The following PDE10A variants were observed in gnomAD, a reference collection of about 807,000 sequenced individuals.
PDE10A encodes cAMP and cAMP-inhibited cGMP 3',5'-cyclic phosphodiesterase 10A.
PDE10A carries 39 observed loss-of-function variants against 97.7 expected under a neutral mutation model. The observed-to-expected ratio is 0.40, with a 90% CI of 0.31 to 0.52. PDE10A has a LOEUF of 0.52. PDE10A is among the 20% of genes least tolerant of loss of function. The pLI is 0.56. For missense variants in PDE10A, 731 were observed against 1,047.8 expected (o/e 0.70, Z 4.17); for synonymous variants, 371 against 376.8 (o/e 0.98, Z 0.18).
intron 17 of PDE10A, among the ~76,000 whole-genome samples, chr6:165,384,387 C>T (rs964289344): frequency 6.6e-6 from 1 of 152,234 alleles, no homozygotes; most frequent in South Asian, 2.1e-4. Flanking sequence ...TGAAAACAAT[C>T]CTGATGGCCA....
rs1359042721 is a variant in PDE10A, at chr6:165,819,905, G to A, written c.-615+167624C>T. Among the ~76,000 whole-genome samples the A allele has an allele frequency of 6.6e-6, 1 of 152,166 alleles. No homozygotes were observed. The highest frequency in any genetic ancestry group is 1.5e-5 in the Non-Finnish European group (1 of 68,038). On this transcript the variant is annotated intron_variant, in intron 1 of 19. Coordinates refer to the PDE10A transcript ENST00000366882. This position sits in a 1 kb window ranked among gnomAD's most constrained non-coding sequence, Gnocchi z 4.2. ...CAGCTCTGTTTGTATGTAATAATCAGTGGTTAATATGGAATTCAGTAACAC... is the reference window on the plus strand; with the variant it reads ...CAGCTCTGTTTGTATGTAATAATCAATGGTTAATATGGAATTCAGTAACAC...
Position 165,716,070 on chromosome 6 carries a change from G to A in PDE10A, c.-614-172502C>T, listed in dbSNP as rs1056734912. The stretch of plus-strand genomic sequence containing the variant: ...ACGGAGCTGTTCTGAGAGAAAGACC[G>A]CCTCAGAGTGTGTTCTGCCTTGCAG... On this transcript the variant is annotated intron_variant, in intron 1 of 19. Coordinates refer to the PDE10A transcript ENST00000366882. 6.6e-5 allele frequency among the ~76,000 whole-genome samples: 10 copies of A among 152,138 alleles called. No individual in the cohort carries two copies. In the South Asian group the frequency reaches 1.9e-3, roughly 28 times the overall value.
chr6:165,593,764 C>A (rs1786422056), intron 1 of PDE10A, among the ~76,000 whole-genome samples: 1 of 152,112 alleles, frequency 6.6e-6, no homozygotes, highest in Admixed American at 6.5e-5. Context: ...AGGACACTTA[C>A]TAATATTATG....
At chr6:165,931,126 A>G (rs1562803597) in intron 1 of PDE10A, among the ~76,000 whole-genome samples, 1 of 152,172 alleles carries the variant, frequency 6.6e-6, no homozygotes, top group Non-Finnish European at 1.5e-5. Context: ...CCACTTTCCC[A>G]TGGTGGTCTC....
intron 5 of PDE10A, among the ~76,000 whole-genome samples, chr6:165,448,055 G>A (rs1435249783): frequency 6.6e-6 from 1 of 152,104 alleles, no homozygotes; most frequent in Non-Finnish European, 1.5e-5. Context: ...TAGTAACATT[G>A]TATATAATGT....
intron 1 of PDE10A, among the ~76,000 whole-genome samples, chr6:165,656,632 C>T (rs1282468292): frequency 2.0e-5 from 3 of 152,146 alleles, no homozygotes; most frequent in South Asian, 2.1e-4. Context: ...TCTTATCACC[C>T]GGGTCCCCAA....
intron 1 of PDE10A, among the ~76,000 whole-genome samples, chr6:165,683,620 C>G (rs1186627114): frequency 6.6e-6 from 1 of 152,104 alleles, no homozygotes; most frequent in Non-Finnish European, 1.5e-5. Context: ...AAATGGCATG[C>G]CTTCCAAAGC....
At chr6:165,630,574 G>A (rs1257712733) in intron 1 of PDE10A, among the ~76,000 whole-genome samples, 1 of 152,104 alleles carries the variant, frequency 6.6e-6, no homozygotes, top group Admixed American at 6.6e-5. Context: ...TGTCTCCGGG[G>A]TAGAGACAAG....
chr6:165,813,985 G>A (rs1216846459), intron 1 of PDE10A, among the ~76,000 whole-genome samples: 1 of 152,160 alleles, frequency 6.6e-6, no homozygotes, highest in Non-Finnish European at 1.5e-5. Flanking sequence ...GATAGGTTTT[G>A]CTATTGCTGG....
At chr6:165,629,458 T>G (rs994092714) in intron 1 of PDE10A, among the ~76,000 whole-genome samples, 5 of 152,294 alleles carry the variant, frequency 3.3e-5, no homozygotes, top group African/African-American at 4.8e-5. Flanking sequence ...TAAACTCTTT[T>G]GTTTTGTTAA....
intron 18 of PDE10A, among the ~76,000 whole-genome samples, chr6:165,374,458 C>A (rs1784482727): frequency 6.6e-6 from 1 of 151,234 alleles, no homozygotes; most frequent in African/African-American, 2.4e-5. Context: ...AGAATAAAAG[C>A]TGATATATAA....
intron 1 of PDE10A, among the ~76,000 whole-genome samples, chr6:165,853,180 G>A (rs1050472648): frequency 6.6e-6 from 1 of 152,166 alleles, no homozygotes; most frequent in Non-Finnish European, 1.5e-5. Context: ...TGAGGACGAG[G>A]CCTCTGCTAT....
rs541821665 is a variant in PDE10A at position 165,647,902 on chromosome 6, A to T, written c.865+14045T>A. Among the ~76,000 whole-genome samples, 5 of 152,332 alleles carry T rather than the reference A, an allele frequency of 3.3e-5. No homozygotes were observed. In the South Asian group the frequency reaches 1.0e-3, roughly 32 times the overall value. On this transcript the variant is annotated intron_variant, in intron 1 of 21. Transcript: ENST00000539869. ...TCATTTAATCTTCACCACAATCTTA[A>T]CGACTGTAGCAAAAGAAACAACTAC...
At chr6:165,619,094 GTAGTGTAGTC>G (rs1787883953) in intron 1 of PDE10A, among the ~76,000 whole-genome samples, 2 of 142,598 alleles carry the variant, frequency 1.4e-5, no homozygotes, top group Admixed American at 6.8e-5. Context: ...GTAGTCTAGT[GTAGTGTAGTC>G]TAGTGTAGTG....
intron 1 of PDE10A, among the ~76,000 whole-genome samples, chr6:165,544,785 C>A (rs1783651660): frequency 6.6e-6 from 1 of 151,814 alleles, no homozygotes; most frequent in South Asian, 2.1e-4. Context: ...AAAATGACTT[C>A]TTTCAATGAA....
intron 1 of PDE10A, among the ~76,000 whole-genome samples, chr6:165,967,636 A>T (rs1784550933): frequency 6.6e-6 from 1 of 152,266 alleles, no homozygotes; most frequent in Non-Finnish European, 1.5e-5. Flanking sequence ...TAGCATCTGT[A>T]CATGAGAGAT....
Position 165,622,992 on chromosome 6 carries a change from G to C in PDE10A, c.865+38955C>G, listed in dbSNP as rs543920256. Among the ~76,000 whole-genome samples the C allele has an allele frequency of 1.3e-4, 20 of 152,174 alleles. No homozygotes were observed. In the South Asian group the frequency reaches 4.2e-3, roughly 32 times the overall value. Reference sequence around the variant, plus strand: ...CCTTACTCCTGCTCTTGCAGGTGACGCACCTGCTCCCGCTTCACCTTCTGC... The same window carrying C: ...CCTTACTCCTGCTCTTGCAGGTGACCCACCTGCTCCCGCTTCACCTTCTGC... On this transcript the variant is annotated intron_variant, in intron 1 of 21. Transcript: ENST00000539869.
chr6:165,476,354 T>A (rs148414110), intron 3 of PDE10A, among the ~76,000 whole-genome samples: 2 of 152,212 alleles, frequency 1.3e-5, no homozygotes, highest in Non-Finnish European at 2.9e-5. Context: ...TAAGACAGAT[T>A]GAAATGAAGA....
At position 165,668,856 on chromosome 6, in the gene PDE10A, A is replaced by C. The variant is rs534993264; in HGVS notation, c.-614-125288T>G. Among the ~76,000 whole-genome samples the C allele has an allele frequency of 3.3e-3, 501 of 152,290 alleles. 1 individual carries two copies. The highest frequency in any genetic ancestry group is 5.5e-3 in the Non-Finnish European group (374 of 68,010). ...TTTCACATGGGTGAAGTGTTCTGAC[A>C]TCAGATCTTGACTTTTGCACAGGTT... On this transcript the variant is annotated intron_variant, in intron 1 of 19. Transcript: ENST00000366882.
Sources: gnomAD v4.1 joint callset for allele counts (sites outside exome capture counted in the v4.1 genomes callset) on GRCh38, gnomAD v4.1.1 for gene constraint, Gnocchi (gnomAD v3.1) non-coding constraint, MANE v1.5 for transcripts, NCBI Gene and HGNC (gene_info 2026-07-23, HGNC 2026-07-21) for gene names.